The following GRM8 variants were observed in gnomAD, a reference collection of about 807,000 sequenced individuals.
GRM8 encodes the protein metabotropic glutamate receptor 8.
Under a neutral mutation model 87.2 loss-of-function variants are expected in GRM8, and 47 were observed. That is an observed-to-expected ratio of 0.54 (90% CI 0.43 to 0.69). GRM8 has a LOEUF of 0.69. GRM8 is among the 30% of genes least tolerant of loss of function. GRM8 has a pLI of 0.00. For synonymous variants in GRM8, 396 were observed against 404.5 expected (o/e 0.98, Z 0.25); for missense variants, 1,019 against 1,139.2 (o/e 0.89, Z 1.52).
intron 8 of GRM8, among the ~76,000 whole-genome samples, chr7:126,569,410 A>C (rs1794508925): frequency 6.6e-6 from 1 of 152,206 alleles, no homozygotes; most frequent in African/African-American, 2.4e-5. Context: ...CCCAAGACAT[A>C]CTGAACTTCT....
At chr7:126,564,044 A>T (rs1182257258) in intron 8 of GRM8, among the ~76,000 whole-genome samples, 3 of 152,218 alleles carry the variant, frequency 2.0e-5, no homozygotes, top group Non-Finnish European at 4.4e-5. Context: ...GTAGATGGCT[A>T]CCAGAACCCT....
chr7:126,927,822 A>T (rs866933620), intron 3 of GRM8, among the ~76,000 whole-genome samples: 3 of 152,282 alleles, frequency 2.0e-5, no homozygotes, highest in Middle Eastern at 3.4e-3. Flanking sequence ...TTCCTCAAGG[A>T]TCTAGAACTA....
chr7:126,597,942 C>T (rs1484846974), intron 8 of GRM8, among the ~76,000 whole-genome samples: 4 of 151,896 alleles, frequency 2.6e-5, no homozygotes, highest in African/African-American at 9.7e-5. Context: ...TCTTCTCTTC[C>T]AGCTATTTTC....
chr7:127,245,889 C>T (rs1310323986), intron 1 of GRM8, among the ~76,000 whole-genome samples: 18 of 152,212 alleles, frequency 1.2e-4, no homozygotes, highest in African/African-American at 2.4e-5. Flanking sequence ...ACCTGCCACA[C>T]AGCACACATG....
At chr7:126,613,282 CG>C (rs1194297009) in intron 7 of GRM8, among the ~76,000 whole-genome samples, 3 of 110,524 alleles carry the variant, frequency 2.7e-5, no homozygotes, top group African/African-American at 5.9e-5. Context: ...AATTAAGTGG[CG>C]AATTTTTTTT....
chr7:127,069,405 C>T (rs1821459470), intron 3 of GRM8, among the ~76,000 whole-genome samples: 1 of 152,130 alleles, frequency 6.6e-6, no homozygotes, highest in Admixed American at 6.5e-5. Flanking sequence ...CTCAAGTAAT[C>T]CACCTACCTT....
intron 7 of GRM8, among the ~76,000 whole-genome samples, chr7:126,665,765 T>A (rs1427837350): frequency 6.6e-6 from 1 of 151,770 alleles, no homozygotes; most frequent in East Asian, 1.9e-4. Flanking sequence ...TTATATAAAA[T>A]ATAATATTAA....
At chr7:126,756,824 T>C (rs763697376) in intron 7 of GRM8, among the ~76,000 whole-genome samples, 3 of 152,102 alleles carry the variant, frequency 2.0e-5, no homozygotes, top group Non-Finnish European at 4.4e-5. Flanking sequence ...CATAGAACTA[T>C]GGATACTCCT....
Position 126,865,061 on chromosome 7 carries a change from T to G in GRM8, c.1156+37481A>C, listed in dbSNP as rs79125932. ...TGGAGACTTTTTAGTACTGTGTTTG[T>G]GAGCTAAGCAGAATCCTAGCTCTGA... On this transcript the variant is annotated intron_variant, in intron 6 of 10. Coordinates refer to ENST00000339582, the MANE Select transcript of GRM8 (RefSeq NM_000845.3). Among the ~76,000 whole-genome samples the G allele has an allele frequency of 9.8e-5, 15 of 152,346 alleles. No individual in the cohort carries two copies. In the East Asian group the frequency reaches 2.3e-3, roughly 24 times the overall value.
At chr7:127,069,950 T>C (rs559132117) in intron 3 of GRM8, among the ~76,000 whole-genome samples, 1 of 152,320 alleles carries the variant, frequency 6.6e-6, no homozygotes, top group African/African-American at 2.4e-5. Context: ...TGTTAATTAT[T>C]TTCCTTCCTT....
chr7:126,957,030 C>G (rs1481302756), intron 3 of GRM8, among the ~76,000 whole-genome samples: 3 of 152,074 alleles, frequency 2.0e-5, no homozygotes, highest in African/African-American at 7.2e-5. Context: ...AGGGACAGGA[C>G]CACGGTGTGA....
At chr7:126,682,662 G>A (rs889876595) in intron 7 of GRM8, among the ~76,000 whole-genome samples, 6 of 152,158 alleles carry the variant, frequency 3.9e-5, no homozygotes, top group Admixed American at 2.6e-4. Context: ...TATTGTCTAT[G>A]GCTGTTTTGA....
At chr7:127,218,436 G>A (rs1278360412) in intron 2 of GRM8, among the ~76,000 whole-genome samples, 1 of 152,216 alleles carries the variant, frequency 6.6e-6, no homozygotes, top group African/African-American at 2.4e-5. Context: ...AATCCCAGCT[G>A]TACCATTTAC....
intron 9 of GRM8, among the ~76,000 whole-genome samples, chr7:126,490,568 A>C (rs1220604080): frequency 1.3e-5 from 2 of 152,058 alleles, no homozygotes. Context: ...CTAGCCTCCT[A>C]TTATTCAGAT....
intron 3 of GRM8, among the ~76,000 whole-genome samples, chr7:126,971,436 T>C (rs907883344): frequency 3.3e-5 from 5 of 152,208 alleles, no homozygotes; most frequent in Non-Finnish European, 7.3e-5. Flanking sequence ...TGTTCGTCAG[T>C]GTTTCACTCA....
chr7:127,149,153 A>G (rs541396655), intron 2 of GRM8, among the ~76,000 whole-genome samples: 22 of 152,134 alleles, frequency 1.4e-4, no homozygotes, highest in African/African-American at 5.1e-4. Flanking sequence ...TAGATTGGGA[A>G]AAAAAATACT....
chr7:127,008,962 T>G (rs1402223015), intron 3 of GRM8, among the ~76,000 whole-genome samples: 1 of 152,156 alleles, frequency 6.6e-6, no homozygotes, highest in African/African-American at 2.4e-5. Flanking sequence ...CACCATCTTA[T>G]CTAACATTTC....
chr7:126,739,970 A>G (rs1380746088), intron 7 of GRM8, among the ~76,000 whole-genome samples: 1 of 152,068 alleles, frequency 6.6e-6, no homozygotes, highest in Non-Finnish European at 1.5e-5. Flanking sequence ...CTAGGTTTGT[A>G]TAAATACTTC....
chr7:127,193,012 A>G (rs1280771062), intron 2 of GRM8, among the ~76,000 whole-genome samples: 1 of 152,180 alleles, frequency 6.6e-6, no homozygotes. Flanking sequence ...ATCTCCAGAG[A>G]GAAACAATAC....
Sources: allele counts gnomAD v4.1 joint callset (sites outside exome capture counted in the v4.1 genomes callset), GRCh38; gene constraint gnomAD v4.1.1; transcripts MANE v1.5; gene names NCBI Gene and HGNC (gene_info 2026-07-23, HGNC 2026-07-21).